Variants in MAMSTR observed in about 807,000 individuals in gnomAD.
The protein encoded by MAMSTR is MEF2-activating motif and SAP domain-containing transcriptional regulator.
In MAMSTR, 41 loss-of-function variants were observed where a neutral mutation model predicts 42.7. The ratio of observed to expected loss-of-function variants is 0.96; its 90% CI spans 0.75 to 1.25. MAMSTR has a LOEUF of 1.25. Ranked by LOEUF, MAMSTR falls within the 50% of genes most tolerant of loss-of-function variation. MAMSTR has a pLI of 0.00. For synonymous variants in MAMSTR, 265 were observed against 244.1 expected (o/e 1.09, Z -0.80); for missense variants, 567 against 557.6 (o/e 1.02, Z -0.17).
In MAMSTR at chr19:48,716,846, G is replaced by A. The variant is rs183885617; in HGVS notation, c.59-103C>T. The A allele has an allele frequency of 5.1e-5, 64 of 1,251,722 alleles. No homozygotes were observed. The African/African-American group carries it at 8.7e-4, about 17-fold the overall frequency. The allele number at this position is 1,251,722 out of a possible 1,614,324, so 77.5% of individuals were successfully genotyped here. On this transcript the variant is annotated intron_variant, in intron 2 of 9. Coordinates refer to ENST00000318083, the MANE Select transcript of MAMSTR (RefSeq NM_001130915.2). ...AGCTGCAGTTGTTGGCGGGATATGC[G>A]TGCCCAGCCCCCTTACACAGCCTGT...
chr19:48,714,150 G>A (rs969929604), intron 7 of MAMSTR, 105 bp from the exon 8 acceptor site: 4 of 1,275,108 alleles, frequency 3.1e-6, no homozygotes, highest in African/African-American at 1.5e-5. Context: ...GCGACCCCTC[G>A]CTCATCAACC....
chr19:48,714,232 A>G (rs1011806793), intron 7 of MAMSTR, 134 bp downstream of exon 7: 22 of 993,068 alleles, frequency 2.2e-5, no homozygotes, highest in Non-Finnish European at 2.9e-5. Flanking sequence ...AGTCTGAACC[A>G]CGTCCCCTCG....
At position 48,715,696 on chromosome 19, in the gene MAMSTR, G is replaced by A; in HGVS notation, c.169C>T (p.Pro57Ser). The change falls in exon 4 of 10, where the codon CCT becomes TCT. Residue 57 changes from proline to serine, a missense_variant. Pro to Ser is a moderately conservative substitution (Grantham distance 74). Transcript: ENST00000318083. Reference sequence around the variant, plus strand: ...AGGACCCCAGGGCTGAAGAGGAAAGGGGCCGTGCCCGAGGGCAAGGCCGGG... The same window carrying A: ...AGGACCCCAGGGCTGAAGAGGAAAGAGGCCGTGCCCGAGGGCAAGGCCGGG... Reference protein sequence around the residue: ...LAPALPSGTAPFLFSPGVLLP... With the variant: ...LAPALPSGTASFLFSPGVLLP... 6.5e-7 allele frequency: 1 copy of A among 1,539,274 alleles called. No individual in the cohort carries two copies. Among genetic ancestry groups the A allele is most frequent in the Non-Finnish European group, 8.7e-7 (1 of 1,143,962 alleles).
chr19:48,714,871 C>T lies in MAMSTR; in HGVS notation c.463G>A (p.Val155Ile), dbSNP rs560528475. 6.2e-7 allele frequency: 1 copy of T among 1,611,812 alleles called. No homozygotes were observed. The highest frequency in any genetic ancestry group is 1.1e-5 in the South Asian group (1 of 91,014). Residue 155 changes from valine to isoleucine, a missense_variant, in exon 6 of 10, where the codon GTC (valine) becomes ATC (isoleucine). Physicochemically the swap from Val to Ile is conservative, Grantham distance 29. Transcript: ENST00000318083. Reference protein sequence around the residue: ...PSPLTPCPPGVPSPSPPPHKL... With the variant: ...PSPLTPCPPGIPSPSPPPHKL... Reference sequence around the variant, plus strand: ...TGTGGGGGGGGCGAGGGGCTAGGGACTCCTGGTGGGCAGGGAGTGAGGGGA... The same window carrying T: ...TGTGGGGGGGGCGAGGGGCTAGGGATTCCTGGTGGGCAGGGAGTGAGGGGA...
In MAMSTR at chr19:48,715,768, C is replaced by A; in HGVS notation, c.98-1G>T. The A allele has an allele frequency of 6.5e-7, 1 of 1,539,652 alleles. No individual in the cohort carries two copies. Among genetic ancestry groups the A allele is most frequent in the Non-Finnish European group, 8.7e-7 (1 of 1,144,062 alleles). On this transcript the variant is annotated splice_acceptor_variant, in intron 3 of 9. Coordinates refer to ENST00000318083, the MANE Select transcript of MAMSTR (RefSeq NM_001130915.2). LOFTEE classifies it high-confidence loss of function. ...GAGATCCACGGGTCCGGATCCGAGA[C>A]TGGAGAGACGGTGAAGGACCCTGAG...
In MAMSTR at chr19:48,714,806, C is replaced by T. The variant is rs2032926045; in HGVS notation, c.528G>A (p.Thr176=). The change falls in exon 6 of 10, where the codon ACG becomes ACA. Residue 176 remains threonine, a splice_region_variant and synonymous_variant. Transcript: ENST00000318083. ...ELQTLKLEEL[T]VSELRQQLRL... is the part of the protein sequence containing the mutation. ...CTGGAAAGTTACACCCCAAACTCAC[C>T]GTCAGCTCCTCCAGTTTAAGGGTCT... The T allele has an allele frequency of 1.9e-6, 3 of 1,603,582 alleles. No individual in the cohort carries two copies. The highest frequency in any genetic ancestry group is 1.1e-5 in the South Asian group (1 of 90,944).
downstream of MAMSTR, among the ~76,000 whole-genome samples, chr19:48,711,721 C>T (rs1451695983): frequency 1.4e-5 from 2 of 143,156 alleles, no homozygotes; most frequent in Non-Finnish European, 3.0e-5. Flanking sequence ...TACAGGCTCC[C>T]ACCACCATAC....
At chr19:48,714,311 C>G (rs1226239133) in intron 7 of MAMSTR, 55 bp downstream of exon 7, 1 of 1,322,924 alleles carries the variant, frequency 7.6e-7, no homozygotes, top group South Asian at 1.9e-5. Flanking sequence ...ACACCCCGCC[C>G]CGGCCCACTT....
chr19:48,707,735 A>AGAGAG (rs1555755128), downstream of MAMSTR, among the ~76,000 whole-genome samples: 22 of 146,364 alleles, frequency 1.5e-4, no homozygotes, highest in African/African-American at 4.8e-4. Flanking sequence ...AGCGAAACTC[A>AGAGAG]AGAGAGAGAG....
chr19:48,708,049 A>T (rs906606370), downstream of MAMSTR, among the ~76,000 whole-genome samples: 3 of 152,024 alleles, frequency 2.0e-5, no homozygotes, highest in African/African-American at 7.2e-5. Flanking sequence ...AGCCTGACCA[A>T]CGTGGAGAAA....
chr19:48,708,841 G>T (rs919350932), downstream of MAMSTR, among the ~76,000 whole-genome samples: 3 of 152,166 alleles, frequency 2.0e-5, no homozygotes, highest in Non-Finnish European at 4.4e-5. Flanking sequence ...AGGGATAAAG[G>T]GCAGGAGGGA....
At chr19:48,714,779 G>A (rs2122307919) in intron 6 of MAMSTR, 27 bp downstream of exon 6, 1 of 1,520,828 alleles carries the variant, frequency 6.6e-7, no homozygotes, top group Non-Finnish European at 9.1e-7. Context: ...GAGAGAGAAG[G>A]CCTGGAAAGT....
chr19:48,714,167 G>T, intron 7 of MAMSTR, 122 bp from the exon 8 acceptor site: 1 of 1,168,674 alleles, frequency 8.6e-7, no homozygotes, highest in Non-Finnish European at 1.2e-6. Context: ...AACCCCTTTG[G>T]CCTCGCCCCC....
chr19:48,717,021 C>T (rs933331764), intron 2 of MAMSTR: 27 of 1,110,034 alleles, frequency 2.4e-5, no homozygotes, highest in African/African-American at 3.3e-5. Context: ...CACCTGCCCC[C>T]TCCATGAGCA....
intron 5 of MAMSTR, 50 bp downstream of exon 5, chr19:48,715,212 G>A (rs1397025231): frequency 1.3e-6 from 2 of 1,493,666 alleles, no homozygotes; most frequent in Non-Finnish European, 9.1e-7. Context: ...GGAGGAGGAT[G>A]CTGGGACCTG....
chr19:48,716,009 A>T, intron 3 of MAMSTR: 1 of 1,284,196 alleles, frequency 7.8e-7, no homozygotes, highest in South Asian at 1.8e-5. Context: ...GCTGAGGATC[A>T]CAGATGTCTG....
intron 3 of MAMSTR, 194 bp from the exon 4 acceptor site, chr19:48,715,961 A>G: frequency 7.2e-7 from 1 of 1,388,090 alleles, no homozygotes; most frequent in Non-Finnish European, 9.3e-7. Flanking sequence ...TACATTCTCA[A>G]GTAAAGCAGG....
chr19:48,711,927 T>C (rs931874372), downstream of MAMSTR, among the ~76,000 whole-genome samples: 12 of 85,996 alleles, frequency 1.4e-4, 2 homozygotes, highest in African/African-American at 9.0e-5. Context: ...TTTGTATTTT[T>C]AGTAGAGACA....
chr19:48,719,143 G>A lies in MAMSTR; in HGVS notation c.-21-91C>T. ...CGCCCCTGAGAGTGAATTCAGCAGG[G>A]AAAGGGCCCGAAGGAGGTGGGAATA... On this transcript the variant is annotated intron_variant, in intron 1 of 9. Coordinates refer to ENST00000318083, the MANE Select transcript of MAMSTR (RefSeq NM_001130915.2). The surrounding 1 kb of genome is among the most constrained non-coding windows in gnomAD (Gnocchi z 4.4). The A allele has an allele frequency of 2.3e-6, 2 of 869,452 alleles. No individual in the cohort carries two copies. The highest frequency in any genetic ancestry group is 1.8e-6 in the Non-Finnish European group (1 of 541,280). The allele number at this position is 869,452 out of a possible 1,614,324, so 53.9% of individuals were successfully genotyped here.
Sources: gnomAD v4.1 joint callset for allele counts (sites outside exome capture counted in the v4.1 genomes callset) on GRCh38, gnomAD v4.1.1 for gene constraint, Gnocchi (gnomAD v3.1) non-coding constraint, MANE v1.5 for transcripts, NCBI Gene and HGNC (gene_info 2026-07-23, HGNC 2026-07-21) for gene names.